Variants in LPAR1 observed in about 807,000 individuals in gnomAD.
LPAR1 encodes the protein lysophosphatidic acid receptor 1.
LPAR1 carries 5 observed loss-of-function variants against 23.8 expected under a neutral mutation model. The observed-to-expected ratio is 0.21, with a 90% CI of 0.11 to 0.44. LPAR1 has a LOEUF of 0.44. LPAR1 is among the 20% of genes least tolerant of loss of function. The pLI is 0.99. For synonymous variants in LPAR1, 160 were observed against 164.7 expected, an observed-to-expected ratio of 0.97 and a Z score of 0.22; for missense variants, 311 against 482.8, an observed-to-expected ratio of 0.64 and a Z score of 3.33.
chr9:111,032,359 C>T (rs1191887030), intron 2 of LPAR1, among the ~76,000 whole-genome samples: 2 of 152,100 alleles, frequency 1.3e-5, no homozygotes, highest in Non-Finnish European at 2.9e-5. Context: ...CAAGTGCCCC[C>T]GCTTGGTGCT....
chr9:110,974,698 A>G (rs982432356), intron 2 of LPAR1, among the ~76,000 whole-genome samples: 7 of 152,212 alleles, frequency 4.6e-5, no homozygotes, highest in African/African-American at 1.7e-4. Context: ...GCCCTGTGAC[A>G]GTACTGATAT....
intron 2 of LPAR1, among the ~76,000 whole-genome samples, chr9:111,032,504 G>A (rs1306164853): frequency 6.6e-6 from 1 of 152,090 alleles, no homozygotes; most frequent in Non-Finnish European, 1.5e-5. Flanking sequence ...CACAAAGCCT[G>A]GTATATAGCA....
chr9:111,025,270 T>C (rs2097667738), intron 2 of LPAR1, among the ~76,000 whole-genome samples: 1 of 152,244 alleles, frequency 6.6e-6, no homozygotes, highest in Admixed American at 6.5e-5. Flanking sequence ...TAGCTCATTG[T>C]GGTTTGATTT....
intron 5 of LPAR1, among the ~76,000 whole-genome samples, chr9:110,875,985 A>T (rs910033454): frequency 3.3e-5 from 5 of 152,178 alleles, no homozygotes; most frequent in African/African-American, 9.7e-5. Context: ...GCAAAACACA[A>T]AGAGTTTGAT....
At chr9:110,933,602 C>T (rs1026576344) in intron 5 of LPAR1, among the ~76,000 whole-genome samples, 2 of 152,012 alleles carry the variant, frequency 1.3e-5, no homozygotes, top group East Asian at 3.9e-4. Flanking sequence ...CTATCTTACT[C>T]CAGATCTAAA....
At chr9:110,894,242 G>T (rs890303247) in intron 5 of LPAR1, among the ~76,000 whole-genome samples, 1 of 152,156 alleles carries the variant, frequency 6.6e-6, no homozygotes, top group Non-Finnish European at 1.5e-5. Flanking sequence ...GACTTTAAAG[G>T]TATGTATTCA....
intron 2 of LPAR1, among the ~76,000 whole-genome samples, chr9:111,018,019 A>G (rs2097489656): frequency 6.6e-6 from 1 of 152,178 alleles, no homozygotes; most frequent in Non-Finnish European, 1.5e-5. Context: ...CTCTGTCTAA[A>G]AAAAAACAAA....
chr9:110,995,098 T>A (rs545071902), intron 2 of LPAR1, among the ~76,000 whole-genome samples: 1 of 152,272 alleles, frequency 6.6e-6, no homozygotes, highest in South Asian at 2.1e-4. Flanking sequence ...AGGATACATG[T>A]CACATGAGAA....
intron 2 of LPAR1, among the ~76,000 whole-genome samples, chr9:110,976,672 T>C (rs1035912053): frequency 1.3e-5 from 2 of 152,202 alleles, no homozygotes; most frequent in African/African-American, 4.8e-5. Flanking sequence ...GCTCTCCAAC[T>C]GCCCTTGGAG....
rs111795783 is a variant in LPAR1 at position 110,953,881 on chromosome 9, C to A, written c.46-11713G>T. ...ATCAGATGTGCAAATTATCAACATG[C>A]GAACAAAAGAAACACAAAAAAGCAA... On this transcript the variant is annotated intron_variant, in intron 4 of 5. Transcript: ENST00000683809. Among the ~76,000 whole-genome samples the A allele has an allele frequency of 5.2e-3, 787 of 151,858 alleles. 7 individuals carry two copies. The highest frequency in any genetic ancestry group is 0.018 in the African/African-American group (734 of 41,420).
intron 4 of LPAR1, among the ~76,000 whole-genome samples, chr9:110,956,613 A>T (rs2095763019): frequency 6.6e-6 from 1 of 152,102 alleles, no homozygotes; most frequent in Non-Finnish European, 1.5e-5. Flanking sequence ...AAAAAGCAGT[A>T]TAACTGATAC....
chr9:110,974,361 T>G (rs1364343855), intron 2 of LPAR1, among the ~76,000 whole-genome samples: 1 of 152,198 alleles, frequency 6.6e-6, no homozygotes, highest in Admixed American at 6.5e-5. Context: ...GAGTTGGACA[T>G]TTAATCCAAG....
rs28604574 is a variant in LPAR1 at position 110,881,944 on chromosome 9, T to C, written c.794-6222A>G. ...TTCCACTCGCTCCTCATTTACGAGG[T>C]TCCAGTCACACAGACCAAGCCCATT... is the stretch of plus-strand genomic sequence containing the variant. On this transcript the variant is annotated intron_variant, in intron 5 of 5. Coordinates refer to ENST00000683809, the MANE Select transcript of LPAR1 (RefSeq NM_001351411.2). 2.3e-3 allele frequency among the ~76,000 whole-genome samples: 348 copies of C among 152,302 alleles called. 1 individual carries two copies. The highest frequency in any genetic ancestry group is 7.9e-3 in the African/African-American group (327 of 41,570).
At chr9:110,876,570 G>A (rs2079143907) in intron 5 of LPAR1, among the ~76,000 whole-genome samples, 1 of 152,172 alleles carries the variant, frequency 6.6e-6, no homozygotes, top group African/African-American at 2.4e-5. Flanking sequence ...CCACAGTACT[G>A]GAAAGCAGAA....
rs146925921 is a variant in LPAR1 at position 110,990,872 on chromosome 9, A to C, written c.-181-17314T>G. Among the ~76,000 whole-genome samples, 615 of 152,264 alleles carry C rather than the reference A, an allele frequency of 4.0e-3. 20 individuals carry two copies. Among genetic ancestry groups the C allele is most frequent in the Admixed American group, 0.033 (503 of 15,296 alleles). On this transcript the variant is annotated intron_variant, in intron 2 of 5. Transcript: ENST00000683809. ...AGAAGATATAAATGACTAATAATAA[A>C]ATTGAAAGAGGGGTCATTACTATTG...
intron 4 of LPAR1, among the ~76,000 whole-genome samples, chr9:110,962,954 T>G (rs1234351736): frequency 3.3e-5 from 5 of 152,158 alleles, no homozygotes. Flanking sequence ...TGTCCCACCT[T>G]AGTGTGTATT....
chr9:110,886,364 CA>C (rs3030132), intron 5 of LPAR1, among the ~76,000 whole-genome samples: 14 of 112,776 alleles, frequency 1.2e-4, no homozygotes, highest in Admixed American at 2.0e-4. Flanking sequence ...AACTCCATCT[CA>C]AAAAAAAAAA....
intron 5 of LPAR1, among the ~76,000 whole-genome samples, chr9:110,880,820 G>A (rs491749): frequency 0.39 from 59,646 of 152,022 alleles, 11,967 homozygotes; most frequent in East Asian, 0.51. Context: ...GTCAGGCAGC[G>A]TGGTATCCCA....
rs1043681418 is a variant in LPAR1 at position 111,006,337 on chromosome 9, T to C, written c.-182+29785A>G. Among the ~76,000 whole-genome samples the C allele has an allele frequency of 3.9e-5, 6 of 152,170 alleles. No individual in the cohort carries two copies. In the East Asian group the frequency reaches 5.8e-4, roughly 15 times the overall value. On this transcript the variant is annotated intron_variant, in intron 2 of 5. Coordinates refer to ENST00000683809, the MANE Select transcript of LPAR1 (RefSeq NM_001351411.2). ...TCAATCCCACACATTCCATTCCCAA[T>C]GGCCATTAGGAAGAAAAAGAAACAT...
Sources: gnomAD v4.1 joint callset for allele counts (sites outside exome capture counted in the v4.1 genomes callset) on GRCh38, gnomAD v4.1.1 for gene constraint, MANE v1.5 for transcripts, NCBI Gene and HGNC (gene_info 2026-07-23, HGNC 2026-07-21) for gene names.